The following CDH13 variants were observed in gnomAD, a reference collection of about 807,000 sequenced individuals.
CDH13 encodes the protein cadherin 13.
A neutral mutation model predicts 63.8 loss-of-function variants in CDH13; 24 were observed. The observed-to-expected ratio is 0.38, with a 90% CI of 0.27 to 0.53. The LOEUF (loss-of-function observed/expected upper bound fraction) is 0.53. CDH13 is among the 20% of genes least tolerant of loss of function. CDH13 has a pLI of 0.85. For synonymous variants in CDH13, 503 were observed against 355.3 expected (o/e 1.42, Z -4.67); for missense variants, 1,049 against 903.1 (o/e 1.16, Z -2.07).
At chr16:82,971,831 G>GA (rs1228463767) in intron 2 of CDH13, among the ~76,000 whole-genome samples, 2 of 152,168 alleles carry the variant, frequency 1.3e-5, no homozygotes, top group African/African-American at 4.8e-5. Context: ...GATCCTATTT[G>GA]AGGGGGGAAG....
At chr16:83,782,516 AC>A (rs746411645) in intron 12 of CDH13, among the ~76,000 whole-genome samples, 41 of 152,238 alleles carry the variant, frequency 2.7e-4, no homozygotes, top group East Asian at 1.2e-3. Flanking sequence ...CAGGCAGATC[AC>A]CTGAGGTCAG....
Position 83,410,882 on chromosome 16 carries a change from C to G in CDH13, c.781+65876C>G, listed in dbSNP as rs112374305. ...ATCCAAATCACCACGACAATAAGCT[C>G]CAGGTATTGAAACATCAAGACTGAA... On this transcript the variant is annotated intron_variant, in intron 6 of 13. Coordinates refer to ENST00000567109, the MANE Select transcript of CDH13 (RefSeq NM_001257.5). Among the ~76,000 whole-genome samples, 174 of 152,278 alleles carry G rather than the reference C, an allele frequency of 1.1e-3. 1 individual carries two copies. Among genetic ancestry groups the G allele is most frequent in the African/African-American group, 3.8e-3 (157 of 41,546 alleles).
intron 1 of CDH13, among the ~76,000 whole-genome samples, chr16:82,669,417 T>C (rs1912978221): frequency 1.3e-5 from 2 of 152,138 alleles, no homozygotes; most frequent in Admixed American, 6.5e-5. Context: ...ACAGAGAAAA[T>C]AGTGGGTCTT....
chr16:83,214,129 C>T (rs1012544979), intron 4 of CDH13, among the ~76,000 whole-genome samples: 9 of 152,048 alleles, frequency 5.9e-5, no homozygotes, highest in East Asian at 3.9e-4. Flanking sequence ...TTTGTTCTTT[C>T]GCTCTTCACA....
At chr16:83,191,505 A>G (rs1423130443) in intron 4 of CDH13, among the ~76,000 whole-genome samples, 5 of 73,970 alleles carry the variant, frequency 6.8e-5, no homozygotes, top group African/African-American at 1.3e-4. Flanking sequence ...ATATATATAT[A>G]CACACACACA....
intron 2 of CDH13, among the ~76,000 whole-genome samples, chr16:82,961,948 C>G: frequency 6.6e-6 from 1 of 152,230 alleles, no homozygotes; most frequent in East Asian, 1.9e-4. Context: ...TCGATAGTGC[C>G]AAGGTGGAGA....
At chr16:83,494,764 A>C (rs2074096961) in intron 7 of CDH13, among the ~76,000 whole-genome samples, 1 of 152,156 alleles carries the variant, frequency 6.6e-6, no homozygotes, top group African/African-American at 2.4e-5. Flanking sequence ...ACATCTCAAA[A>C]TGCCTGGGAT....
intron 3 of CDH13, among the ~76,000 whole-genome samples, chr16:83,064,333 C>T (rs2031827049): frequency 6.7e-6 from 1 of 149,764 alleles, no homozygotes; most frequent in Non-Finnish European, 1.5e-5. Flanking sequence ...GGTGCCATTG[C>T]ACTCCAGCCT....
chr16:83,598,871 A>G (rs1489738230), intron 7 of CDH13, among the ~76,000 whole-genome samples: 2 of 152,180 alleles, frequency 1.3e-5, no homozygotes, highest in Admixed American at 1.3e-4. Context: ...GTTTAACAGA[A>G]AGATAACTTC....
chr16:82,663,864 C>T (rs892883169), intron 1 of CDH13, among the ~76,000 whole-genome samples: 3 of 152,146 alleles, frequency 2.0e-5, no homozygotes, highest in East Asian at 3.9e-4. Flanking sequence ...GTGAATATAG[C>T]GTGGGCTTTC....
In CDH13 at chr16:83,753,493, C is replaced by G. The variant is rs115480785; in HGVS notation, c.1681+5243C>G. ...CCAGGTAGGTCAAGGCTGCAGTGAG[C>G]CAAGATCACACCGCTGCACTCTAGC... On this transcript the variant is annotated intron_variant, in intron 11 of 13. Coordinates refer to ENST00000567109, the MANE Select transcript of CDH13 (RefSeq NM_001257.5). 2.3e-3 allele frequency among the ~76,000 whole-genome samples: 353 copies of G among 152,228 alleles called. 2 individuals are homozygous for G. Among genetic ancestry groups the G allele is most frequent in the African/African-American group, 8.2e-3 (340 of 41,536 alleles).
At chr16:83,021,754 C>T (rs1210535196) in intron 2 of CDH13, among the ~76,000 whole-genome samples, 1 of 152,198 alleles carries the variant, frequency 6.6e-6, no homozygotes, top group Middle Eastern at 3.2e-3. Flanking sequence ...GAAATTCACT[C>T]CTGGGTCAAC....
Position 83,275,907 on chromosome 16 carries a change from CT to C in CDH13, c.636+58413del, listed in dbSNP as rs1347826339. On this transcript the variant is annotated intron_variant, in intron 5 of 13. Coordinates refer to ENST00000567109, the MANE Select transcript of CDH13 (RefSeq NM_001257.5). ...GAAGAGCTTACAAACTAATGAAGCA[CT>C]TTCGTTTTTATGCTTTATGTTCTAT... Among the ~76,000 whole-genome samples the C allele has an allele frequency of 1.4e-4, 22 of 152,236 alleles. No homozygotes were observed. In the South Asian group the frequency reaches 1.7e-3, roughly 11 times the overall value.
chr16:82,773,344 C>G (rs771329195), intron 1 of CDH13: 1 of 152,216 alleles, frequency 6.6e-6, no homozygotes, highest in African/African-American at 2.4e-5. Flanking sequence ...GATGTAGTAG[C>G]CAGCAGCAAG....
intron 3 of CDH13, among the ~76,000 whole-genome samples, chr16:83,045,338 T>C (rs998037795): frequency 2.6e-4 from 39 of 152,068 alleles, no homozygotes; most frequent in African/African-American, 8.5e-4. Flanking sequence ...CTGCCAAGTC[T>C]CTCTGTAAGA....
intron 1 of CDH13, among the ~76,000 whole-genome samples, chr16:82,761,014 TTTC>T (rs2034819466): frequency 9.1e-6 from 1 of 110,012 alleles, no homozygotes; most frequent in African/African-American, 3.3e-5. Context: ...CATTTCTTTC[TTTC>T]TTTTTTTTTT....
At chr16:83,576,296 A>G (rs118119209) in intron 7 of CDH13, among the ~76,000 whole-genome samples, 9 of 152,212 alleles carry the variant, frequency 5.9e-5, no homozygotes, top group Non-Finnish European at 1.0e-4. Context: ...TTCACTTAGC[A>G]TAATGTTTTC....
chr16:82,709,683 G>A (rs1408221836), intron 1 of CDH13, among the ~76,000 whole-genome samples: 5 of 152,318 alleles, frequency 3.3e-5, no homozygotes, highest in South Asian at 4.1e-4. Flanking sequence ...TCACATGAGC[G>A]TTGTTGGAGG....
At chr16:82,970,382 CTTTTTTTTTT>C (rs558393653) in intron 2 of CDH13, among the ~76,000 whole-genome samples, 2 of 76,750 alleles carry the variant, frequency 2.6e-5, no homozygotes, top group African/African-American at 5.3e-5. Flanking sequence ...AGTGCATATT[CTTTTTTTTTT>C]TTTTTTTTTT....
Sources: gnomAD v4.1 joint callset for allele counts (sites outside exome capture counted in the v4.1 genomes callset) on GRCh38, gnomAD v4.1.1 for gene constraint, MANE v1.5 for transcripts, NCBI Gene and HGNC (gene_info 2026-07-23, HGNC 2026-07-21) for gene names.